Variants in NTN1 observed in about 807,000 individuals in gnomAD.
The protein encoded by NTN1 is netrin 1.
A neutral mutation model predicts 54.2 loss-of-function variants in NTN1; 11 were observed. That is an observed-to-expected ratio of 0.20 (90% confidence interval 0.13 to 0.34). The LOEUF (loss-of-function observed/expected upper bound fraction) is 0.34, where lower values mean the gene tolerates loss of function less well. Among genes scored for constraint, NTN1 ranks in the 10% least tolerant of loss-of-function variants. The probability of loss-of-function intolerance (pLI) is 1.00; values close to 1 mark genes in which losing one functional copy is unlikely to be tolerated. For synonymous variants in NTN1, 371 were observed against 382.0 expected (o/e 0.97, Z 0.33); for missense variants, 740 against 893.1 (o/e 0.83, Z 2.18).
Position 9,023,268 on chromosome 17 carries a change from G to T in NTN1, c.895G>T (p.Asp299Tyr). 6.4e-7 allele frequency: 1 copy of T among 1,560,748 alleles called. No individual in the cohort carries two copies. The highest frequency in any genetic ancestry group is 8.7e-7 in the Non-Finnish European group (1 of 1,154,126). ...GHAARCVRDR[D>Y]DSLVCDCRHN... ...CGCGGCCCGCTGCGTGCGCGACCGC[G>T]ACGACAGCCTGGTGTGCGACTGCAG... Residue 299 changes from aspartate (D) to tyrosine (Y), a missense_variant, in exon 2 of 7, where the codon GAC (aspartate) becomes TAC (tyrosine). Transcript: ENST00000173229.
At chr17:9,195,232 A>C in intron 5 of NTN1, among the ~76,000 whole-genome samples, 1 of 67,842 alleles carries the variant, frequency 1.5e-5, no homozygotes, top group East Asian at 5.6e-4. Flanking sequence ...CCATCACCCC[A>C]AGGAGCACAG....
chr17:9,221,334 T>C lies in NTN1; in HGVS notation c.1486+92T>C, dbSNP rs1597545504. On this transcript the variant is annotated intron_variant, in intron 6 of 6. Transcript: ENST00000173229. This position sits in a 1 kb window ranked among gnomAD's most constrained non-coding sequence, Gnocchi z 4.5. The stretch of plus-strand genomic sequence containing the variant: ...TGGGGTGCAGCTGGCCCCCGATGGG[T>C]GTTGGTCGTGAAGACCCTGTGACCG... 1.0e-6 allele frequency: 1 copy of C among 958,030 alleles called. No individual in the cohort carries two copies. Among genetic ancestry groups the C allele is most frequent in the Non-Finnish European group, 1.7e-6 (1 of 585,480 alleles). The allele number at this position is 958,030 out of a possible 1,614,324, so 59.3% of individuals were successfully genotyped here.
chr17:9,068,796 C>T (rs1423204769), intron 2 of NTN1, among the ~76,000 whole-genome samples: 1 of 152,184 alleles, frequency 6.6e-6, no homozygotes, highest in Non-Finnish European at 1.5e-5. Context: ...GCATAAGCCA[C>T]CGCGCCTGGC....
intron 3 of NTN1, among the ~76,000 whole-genome samples, chr17:9,164,312 C>G (rs1321878935): frequency 6.6e-6 from 1 of 152,066 alleles, no homozygotes; most frequent in Non-Finnish European, 1.5e-5. Flanking sequence ...GTAATCCCAG[C>G]TACTTGGGAG....
chr17:9,229,098 C>T (rs1246473214), intron 6 of NTN1, among the ~76,000 whole-genome samples: 1 of 2,354 alleles, frequency 4.2e-4, no homozygotes, highest in Non-Finnish European at 8.4e-4. Context: ...GTGACTGAGA[C>T]TGTGACTGTG....
intron 2 of NTN1, among the ~76,000 whole-genome samples, chr17:9,114,170 T>C (rs1251345326): frequency 1.7e-5 from 2 of 118,288 alleles, no homozygotes; most frequent in African/African-American, 6.2e-5. Flanking sequence ...AAAAAAAATA[T>C]ATATATATAT....
chr17:9,015,479 G>T, the NTN1 span, among the ~76,000 whole-genome samples: 1 of 151,934 alleles, frequency 6.6e-6, no homozygotes, highest in African/African-American at 2.4e-5. Flanking sequence ...CAAGACAAAG[G>T]CACCCCCGGC....
At chr17:9,194,065 A>G (rs1437816124) in intron 5 of NTN1, among the ~76,000 whole-genome samples, 2 of 151,430 alleles carry the variant, frequency 1.3e-5, no homozygotes, top group Non-Finnish European at 2.9e-5. Context: ...GTGAAACCCC[A>G]TCTCTACTAA....
intron 2 of NTN1, among the ~76,000 whole-genome samples, chr17:9,097,887 G>A (rs72809995): frequency 0.096 from 14,579 of 152,058 alleles, 808 homozygotes; most frequent in Non-Finnish European, 0.12. Flanking sequence ...CAGCTGCAGT[G>A]AACATCCATG....
intron 2 of NTN1, among the ~76,000 whole-genome samples, chr17:9,142,288 C>CA (rs1370860527): frequency 7.3e-6 from 1 of 136,280 alleles, no homozygotes. Context: ...GATTTCATCT[C>CA]AAAAAGAAAA....
intron 2 of NTN1, among the ~76,000 whole-genome samples, chr17:9,129,103 C>G (rs1188529451): frequency 1.3e-5 from 2 of 152,054 alleles, no homozygotes; most frequent in Non-Finnish European, 1.5e-5. Flanking sequence ...CCTCGGCCAG[C>G]AAAAAGAGAG....
In NTN1 at chr17:9,105,528, G is replaced by A. The variant is rs144892585; in HGVS notation, c.1019-57285G>A. On this transcript the variant is annotated intron_variant, in intron 2 of 6. Transcript: ENST00000173229. ...GTTATAAATCTGTCAAAACGTGGGC[G>A]TTCTTCAGTGTTCATGATATTATCC... 3.9e-5 allele frequency among the ~76,000 whole-genome samples: 6 copies of A among 152,262 alleles called. No individual in the cohort carries two copies. In the East Asian group the frequency reaches 9.7e-4, roughly 25 times the overall value.
chr17:9,005,778 G>A, the NTN1 span, among the ~76,000 whole-genome samples: 454 of 152,302 alleles, frequency 3.0e-3, 4 homozygotes, highest in African/African-American at 0.011. Flanking sequence ...ATGAGGGAGC[G>A]GCAGGGGGTG....
At chr17:9,113,687 G>C (rs1203803977) in intron 2 of NTN1, among the ~76,000 whole-genome samples, 1 of 152,100 alleles carries the variant, frequency 6.6e-6, no homozygotes, top group African/African-American at 2.4e-5. Flanking sequence ...TGGAAATAGA[G>C]ATGTCATATA....
chr17:9,187,765 A>G (rs1315013162), intron 5 of NTN1, among the ~76,000 whole-genome samples: 1 of 151,064 alleles, frequency 6.6e-6, no homozygotes, highest in Non-Finnish European at 1.5e-5. Flanking sequence ...CAGGAGGTTG[A>G]GGCTGCAGTG....
At position 9,072,932 on chromosome 17, in the gene NTN1, C is replaced by T. The variant is rs527757092; in HGVS notation, c.1018+49541C>T. ...GAATGGGACTGTTTACTTTTTTCTT[C>T]CTCTTTCCTTCCCCACCCTCCTGTA... On this transcript the variant is annotated intron_variant, in intron 2 of 6. Coordinates refer to ENST00000173229, the MANE Select transcript of NTN1 (RefSeq NM_004822.3). 2.4e-3 allele frequency among the ~76,000 whole-genome samples: 371 copies of T among 152,270 alleles called. 1 individual carries two copies. Among genetic ancestry groups the T allele is most frequent in the Non-Finnish European group, 4.1e-3 (280 of 67,990 alleles).
chr17:9,102,419 C>T (rs541657087), intron 2 of NTN1, among the ~76,000 whole-genome samples: 34 of 152,310 alleles, frequency 2.2e-4, no homozygotes, highest in African/African-American at 7.7e-4. Flanking sequence ...AACTAACTCA[C>T]TATCACAGGA....
chr17:9,228,862 G>A (rs1905690667), intron 6 of NTN1, among the ~76,000 whole-genome samples: 1 of 52,566 alleles, frequency 1.9e-5, no homozygotes, highest in East Asian at 6.5e-4. Flanking sequence ...GACTGTGTAT[G>A]AGAGTGTGTC....
intron 2 of NTN1, among the ~76,000 whole-genome samples, chr17:9,131,483 A>G (rs1357635981): frequency 1.3e-5 from 2 of 152,014 alleles, no homozygotes; most frequent in African/African-American, 2.4e-5. Context: ...CTATTCTTAA[A>G]TGGTCCATTT....
Sources: gnomAD v4.1 joint callset for allele counts (sites outside exome capture counted in the v4.1 genomes callset) on GRCh38, gnomAD v4.1.1 for gene constraint, Gnocchi (gnomAD v3.1) non-coding constraint, MANE v1.5 for transcripts, NCBI Gene and HGNC (gene_info 2026-07-23, HGNC 2026-07-21) for gene names.